PCYT1B: variants seen among roughly 807,000 people sequenced by gnomAD.
PCYT1B encodes phosphate cytidylyltransferase 1B, choline.
In PCYT1B, 10 loss-of-function variants were observed where a neutral mutation model predicts 26.4. That is an observed-to-expected ratio of 0.38 (90% CI 0.23 to 0.64). The LOEUF (loss-of-function observed/expected upper bound fraction) is 0.64. PCYT1B is among the 30% of genes least tolerant of loss of function. The pLI, the probability that PCYT1B is intolerant of heterozygous loss-of-function variation, is 0.56. For synonymous variants in PCYT1B, 131 were observed against 108.4 expected (o/e 1.21, Z -1.29); for missense variants, 161 against 292.7 (o/e 0.55, Z 3.28).
At chrX:24,635,190 C>T (rs948761122) in intron 1 of PCYT1B, among the ~76,000 whole-genome samples, 1 of 111,820 alleles carries the variant, frequency 8.9e-6, no homozygotes, top group African/African-American at 3.2e-5. Flanking sequence ...TGTTTAGAAG[C>T]CTTTTTGAGT....
At chrX:24,618,667 G>C (rs1306880746) in intron 2 of PCYT1B, among the ~76,000 whole-genome samples, 1 of 108,868 alleles carries the variant, frequency 9.2e-6, no homozygotes, top group Non-Finnish European at 1.9e-5. Flanking sequence ...GCCCAGGCTG[G>C]AGTGCAGTGG....
At chrX:24,568,560 T>A (rs768884959) in intron 7 of PCYT1B, among the ~76,000 whole-genome samples, 1 of 110,450 alleles carries the variant, frequency 9.1e-6, no homozygotes, top group Non-Finnish European at 1.9e-5. Flanking sequence ...TCAAAAAATA[T>A]AGATTTTAAA....
At chrX:24,630,501 C>T (rs754228235) in intron 1 of PCYT1B, among the ~76,000 whole-genome samples, 93 of 111,412 alleles carry the variant, frequency 8.3e-4, no homozygotes, top group Admixed American at 4.6e-3. Context: ...TTCACCGTGT[C>T]ACCCAGGATG....
chrX:24,598,181 G>A (rs1201097688), intron 3 of PCYT1B, among the ~76,000 whole-genome samples: 2 of 111,290 alleles, frequency 1.8e-5, no homozygotes, highest in Non-Finnish European at 3.8e-5. Context: ...GGCTTCATAC[G>A]CATTACTTAA....
intron 2 of PCYT1B, among the ~76,000 whole-genome samples, chrX:24,612,708 C>A (rs1300981773): frequency 2.7e-5 from 3 of 112,219 alleles, no homozygotes; most frequent in Non-Finnish European, 5.6e-5. Context: ...TAAAGTGGTA[C>A]AATCGCTTTG....
intron 3 of PCYT1B, among the ~76,000 whole-genome samples, chrX:24,604,465 AGAT>A (rs1187767078): frequency 1.8e-5 from 2 of 112,149 alleles, no homozygotes; most frequent in Non-Finnish European, 3.8e-5. Context: ...ATTTTAAATG[AGAT>A]GATAAGAATA....
intron 1 of PCYT1B, among the ~76,000 whole-genome samples, chrX:24,637,170 G>T (rs1182469373): frequency 9.1e-6 from 1 of 109,686 alleles, no homozygotes; most frequent in Non-Finnish European, 1.9e-5. Flanking sequence ...AGATATGACT[G>T]GGAGGGCTAA....
chrX:24,573,803 C>A (rs918110983), intron 7 of PCYT1B, among the ~76,000 whole-genome samples: 1 of 110,795 alleles, frequency 9.0e-6, no homozygotes, highest in African/African-American at 3.3e-5. Context: ...TTTTAACAGG[C>A]CTGGGGAAAA....
chrX:24,568,085 T>C (rs950917346), intron 7 of PCYT1B, among the ~76,000 whole-genome samples: 1 of 112,388 alleles, frequency 8.9e-6, no homozygotes, highest in Non-Finnish European at 1.9e-5. Context: ...AATGATAAAG[T>C]TCCTGGTACG....
At chrX:24,575,709 G>A (rs1334384836) in intron 6 of PCYT1B, among the ~76,000 whole-genome samples, 1 of 112,606 alleles carries the variant, frequency 8.9e-6, no homozygotes, top group African/African-American at 3.2e-5. Context: ...TGCACACAAT[G>A]ACTATTCAGA....
At chrX:24,647,506 T>C (rs922732880), upstream of PCYT1B, among the ~76,000 whole-genome samples, 1 of 111,642 alleles carries the variant, frequency 9.0e-6, no homozygotes, top group Non-Finnish European at 1.9e-5. Flanking sequence ...TCTGTTTAAT[T>C]CAGTTGCAAA....
chrX:24,591,045 G>C (rs976734534), intron 3 of PCYT1B, among the ~76,000 whole-genome samples: 1 of 110,141 alleles, frequency 9.1e-6, no homozygotes, highest in South Asian at 3.9e-4. Context: ...CACCCACCTC[G>C]GGCTCCCAAA....
intron 6 of PCYT1B, among the ~76,000 whole-genome samples, chrX:24,578,380 C>G (rs1015833321): frequency 2.6e-4 from 29 of 111,423 alleles, no homozygotes; most frequent in African/African-American, 9.5e-4. Flanking sequence ...GGAGAAATAC[C>G]TAATGTAGAT....
intron 6 of PCYT1B, among the ~76,000 whole-genome samples, chrX:24,577,154 C>G (rs1924044868): frequency 9.0e-6 from 1 of 111,100 alleles, no homozygotes; most frequent in Non-Finnish European, 1.9e-5. Flanking sequence ...TTCCTCATCT[C>G]TAAATTGAGG....
intron 6 of PCYT1B, 23 bp downstream of exon 6, chrX:24,579,293 A>C (rs1924130866): frequency 8.3e-7 from 1 of 1,201,227 alleles, no homozygotes; most frequent in South Asian, 1.8e-5. Context: ...TGGTCTTCAG[A>C]GGGTTTGAGG....
At chrX:24,632,060 C>T (rs777613867) in intron 1 of PCYT1B, among the ~76,000 whole-genome samples, 1 of 112,306 alleles carries the variant, frequency 8.9e-6, no homozygotes, top group South Asian at 3.7e-4. Flanking sequence ...GTCCCAGTCA[C>T]CCATTACCCT....
At chrX:24,572,580 C>G (rs929692909) in intron 7 of PCYT1B, among the ~76,000 whole-genome samples, 21 of 111,085 alleles carry the variant, frequency 1.9e-4, no homozygotes, top group Non-Finnish European at 3.6e-4. Context: ...AGTTCCAGTC[C>G]CAAATTCACA....
chrX:24,598,847 A>G (rs1924871234), intron 3 of PCYT1B, among the ~76,000 whole-genome samples: 3 of 112,122 alleles, frequency 2.7e-5, no homozygotes, highest in Non-Finnish European at 3.8e-5. Flanking sequence ...GGTTTTTAGT[A>G]GGTTTGACAA....
rs1410915916 is a variant in PCYT1B, at chrX:24,647,132, A to G, written c.-27T>C. 3 of 1,204,324 alleles carry G rather than the reference A, an allele frequency of 2.5e-6. No individual in the cohort carries two copies. The highest frequency in any genetic ancestry group is 3.4e-6 in the Non-Finnish European group (3 of 892,289). ...GCCAGTGAATGCTCCCTCTAGCTCTACACCCTCAGAGAGTCTCCTCCCAGG... is the reference window on the plus strand; with the variant it reads ...GCCAGTGAATGCTCCCTCTAGCTCTGCACCCTCAGAGAGTCTCCTCCCAGG... On this transcript the variant is annotated 5_prime_UTR_variant, in exon 1 of 8. Transcript: ENST00000379144.
Sources: gnomAD v4.1 joint callset for allele counts (sites outside exome capture counted in the v4.1 genomes callset) on GRCh38, gnomAD v4.1.1 for gene constraint, MANE v1.5 for transcripts, NCBI Gene and HGNC (gene_info 2026-07-23, HGNC 2026-07-21) for gene names.